The following SDC2 variants were observed in gnomAD, a reference collection of about 807,000 sequenced individuals.
The protein encoded by SDC2 is syndecan 2, also known as syndecan-2.
A neutral mutation model predicts 22.2 loss-of-function variants in SDC2; 13 were observed. The ratio of observed to expected loss-of-function variants is 0.59; its 90% CI spans 0.38 to 0.93. The LOEUF is 0.93. Ranked by LOEUF, SDC2 falls within the 40% of genes least tolerant of loss-of-function variation. The pLI is 0.00. For synonymous variants in SDC2, 94 were observed against 92.8 expected (o/e 1.01, Z -0.07); for missense variants, 235 against 246.8 (o/e 0.95, Z 0.32).
At chr8:96,539,215 A>C (rs1332417685) in intron 1 of SDC2, among the ~76,000 whole-genome samples, 1 of 152,246 alleles carries the variant, frequency 6.6e-6, no homozygotes, top group Admixed American at 6.5e-5. Flanking sequence ...TGCCTTCATG[A>C]ATTGTCAGAT....
At chr8:96,565,097 T>TTTTTTTTG (rs1329448270) in intron 1 of SDC2, among the ~76,000 whole-genome samples, 4 of 128,680 alleles carry the variant, frequency 3.1e-5, no homozygotes, top group African/African-American at 1.3e-4. Context: ...TTTTTTTTTT[T>TTTTTTTTG]TTGTTGAGAT....
At chr8:96,538,274 A>G (rs1206874239) in intron 1 of SDC2, among the ~76,000 whole-genome samples, 2 of 152,164 alleles carry the variant, frequency 1.3e-5, no homozygotes, top group African/African-American at 4.8e-5. Context: ...CTTGTGTTAT[A>G]TATTGGGCTT....
intron 1 of SDC2, among the ~76,000 whole-genome samples, chr8:96,558,202 G>T (rs1194622805): frequency 6.6e-6 from 1 of 152,214 alleles, no homozygotes; most frequent in African/African-American, 2.4e-5. Flanking sequence ...TGGATATAGG[G>T]TGAGAGGAAA....
At chr8:96,508,301 ATAATAATAATAAT>A (rs1813275607) in intron 1 of SDC2, among the ~76,000 whole-genome samples, 1 of 28,142 alleles carries the variant, frequency 3.6e-5, no homozygotes, top group African/African-American at 1.6e-4. Context: ...GTCTCAAATA[ATAATAATAATAAT>A]AATAATAATA....
At chr8:96,605,468 T>C (rs970357415) in intron 3 of SDC2, among the ~76,000 whole-genome samples, 5 of 152,226 alleles carry the variant, frequency 3.3e-5, no homozygotes, top group East Asian at 1.9e-4. Flanking sequence ...ATGAGAAGAA[T>C]AGAAAAATCT....
chr8:96,596,736 C>T (rs1207400516), intron 2 of SDC2, among the ~76,000 whole-genome samples: 2 of 151,980 alleles, frequency 1.3e-5, no homozygotes, highest in African/African-American at 4.8e-5. Flanking sequence ...ACTAAATTGA[C>T]GATAAAAGAA....
chr8:96,526,869 G>T (rs1359698992), intron 1 of SDC2, among the ~76,000 whole-genome samples: 3 of 152,156 alleles, frequency 2.0e-5, no homozygotes, highest in African/African-American at 7.2e-5. Flanking sequence ...GGGAGGCTCG[G>T]ACCTGCAGGG....
At chr8:96,563,528 A>G (rs1179184033) in intron 1 of SDC2, among the ~76,000 whole-genome samples, 1 of 152,172 alleles carries the variant, frequency 6.6e-6, no homozygotes, top group Non-Finnish European at 1.5e-5. Context: ...TTAGGAATGT[A>G]TCAGACTCCA....
intron 1 of SDC2, among the ~76,000 whole-genome samples, chr8:96,538,542 C>A (rs1246025866): frequency 6.6e-6 from 1 of 151,982 alleles, no homozygotes; most frequent in Admixed American, 6.6e-5. Flanking sequence ...GTTTCAAGGT[C>A]TTTTAAATTG....
At chr8:96,518,593 G>A (rs1813446292) in intron 1 of SDC2, among the ~76,000 whole-genome samples, 1 of 152,022 alleles carries the variant, frequency 6.6e-6, no homozygotes. Flanking sequence ...TCTTGACCTC[G>A]TGATCCGCCC....
In SDC2 at chr8:96,609,565, C is replaced by T; in HGVS notation, c.*17C>T. 1 of 1,560,506 alleles carries T rather than the reference C, an allele frequency of 6.4e-7. No individual in the cohort carries two copies. The highest frequency in any genetic ancestry group is 8.7e-7 in the Non-Finnish European group (1 of 1,149,710). On this transcript the variant is annotated 3_prime_UTR_variant, in exon 5 of 5. Coordinates refer to ENST00000302190, the MANE Select transcript of SDC2 (RefSeq NM_002998.4). ...TATGCGTAAAACTCCAACTTAGTGT[C>T]TCTATTTATGAGATCACTGAACTTT...
intron 1 of SDC2, among the ~76,000 whole-genome samples, chr8:96,589,995 G>T (rs1013211948): frequency 1.3e-5 from 2 of 152,162 alleles, no homozygotes; most frequent in Non-Finnish European, 2.9e-5. Context: ...AATCAGATGC[G>T]CATTCTCCTC....
At chr8:96,567,697 A>G (rs1814323708) in intron 1 of SDC2, among the ~76,000 whole-genome samples, 1 of 152,206 alleles carries the variant, frequency 6.6e-6, no homozygotes, top group African/African-American at 2.4e-5. Flanking sequence ...TTGTTCTGCC[A>G]TTTTTAATCT....
chr8:96,602,812 T>G (rs1255453293), intron 3 of SDC2, among the ~76,000 whole-genome samples: 1 of 152,216 alleles, frequency 6.6e-6, no homozygotes, highest in African/African-American at 2.4e-5. Context: ...ACAACTATTT[T>G]TCACATGGCC....
intron 2 of SDC2, among the ~76,000 whole-genome samples, chr8:96,596,327 A>G (rs370036491): frequency 6.6e-6 from 1 of 152,232 alleles, no homozygotes; most frequent in South Asian, 2.1e-4. Context: ...CCAGTGTACC[A>G]GTTGTCCCTT....
chr8:96,575,532 T>G (rs1814473701), intron 1 of SDC2, among the ~76,000 whole-genome samples: 1 of 152,214 alleles, frequency 6.6e-6, no homozygotes, highest in Non-Finnish European at 1.5e-5. Context: ...CCTTTTAATA[T>G]ATTAATATAC....
chr8:96,518,988 T>C (rs568115128), intron 1 of SDC2, among the ~76,000 whole-genome samples: 2 of 152,178 alleles, frequency 1.3e-5, no homozygotes, highest in Non-Finnish European at 2.9e-5. Flanking sequence ...GATTTTAATG[T>C]TTTTCATCTA....
At chr8:96,538,957 G>A (rs548775650) in intron 1 of SDC2, 1 of 152,326 alleles carries the variant, frequency 6.6e-6, no homozygotes, top group African/African-American at 2.4e-5. Context: ...GCAGTAACAG[G>A]TTGAGCTGTC....
chr8:96,506,479 C>T (rs996031091), intron 1 of SDC2, among the ~76,000 whole-genome samples: 9 of 151,866 alleles, frequency 5.9e-5, no homozygotes, highest in African/African-American at 7.2e-5. Flanking sequence ...TATATGTATC[C>T]GGTGAAAACT....
Sources: allele counts gnomAD v4.1 joint callset (sites outside exome capture counted in the v4.1 genomes callset), GRCh38; gene constraint gnomAD v4.1.1; transcripts MANE v1.5; gene names NCBI Gene and HGNC (gene_info 2026-07-23, HGNC 2026-07-21).